Variants in EYS observed in about 807,000 individuals in gnomAD.
EYS encodes EGF-like photoreceptor maintenance factor.
In EYS, 250 loss-of-function variants were observed where a neutral mutation model predicts 282.1. The observed-to-expected ratio is 0.89, with a 90% CI of 0.80 to 0.98. The LOEUF (loss-of-function observed/expected upper bound fraction) is 0.98. Ranked by LOEUF, EYS falls within the 50% of genes least tolerant of loss-of-function variation. The probability of loss-of-function intolerance (pLI) is 0.00; values close to 1 mark genes in which losing one functional copy is unlikely to be tolerated. For missense variants in EYS, 4,016 were observed against 3,709.0 expected (o/e 1.08, Z -2.15); for synonymous variants, 1,355 against 1,282.9 (o/e 1.06, Z -1.20).
Position 64,759,472 on chromosome 6 carries a change from A to G in EYS, c.3443+53906T>C, listed in dbSNP as rs370102460. Among the ~76,000 whole-genome samples the G allele has an allele frequency of 2.0e-5, 3 of 152,220 alleles. No individual in the cohort carries two copies. The East Asian group carries it at 5.8e-4, about 29-fold the overall frequency. Reference sequence around the variant, plus strand: ...CTGTTCTAATGAAAATAATGTGTCTATATAAAACAAATTGTATAAGCAAAA... The same window carrying G: ...CTGTTCTAATGAAAATAATGTGTCTGTATAAAACAAATTGTATAAGCAAAA... On this transcript the variant is annotated intron_variant, in intron 22 of 42. Coordinates refer to ENST00000503581, the MANE Select transcript of EYS (RefSeq NM_001142800.2).
intron 31 of EYS, among the ~76,000 whole-genome samples, chr6:64,148,708 T>C (rs1331250290): frequency 6.6e-6 from 1 of 152,164 alleles, no homozygotes; most frequent in East Asian, 1.9e-4. Context: ...TCTTTGTTTC[T>C]ATTTTTCTTG....
intron 19 of EYS, among the ~76,000 whole-genome samples, chr6:64,881,794 A>G (rs1452536677): frequency 6.6e-6 from 1 of 151,868 alleles, no homozygotes; most frequent in East Asian, 1.9e-4. Context: ...TAAATCTTCA[A>G]TGTAAACTCT....
intron 19 of EYS, among the ~76,000 whole-genome samples, chr6:64,860,345 T>C (rs1232524762): frequency 1.3e-5 from 2 of 152,202 alleles, no homozygotes; most frequent in Admixed American, 6.5e-5. Flanking sequence ...CTAGATCCCA[T>C]GCCTGCCAAG....
chr6:64,196,911 T>G (rs2150319721), intron 31 of EYS, among the ~76,000 whole-genome samples: 1 of 152,152 alleles, frequency 6.6e-6, no homozygotes, highest in East Asian at 1.9e-4. Flanking sequence ...TTAAAAAAAT[T>G]GTAATATTTG....
chr6:65,516,498 C>T (rs1767139821), intron 2 of EYS, among the ~76,000 whole-genome samples: 1 of 151,992 alleles, frequency 6.6e-6, no homozygotes, highest in South Asian at 2.1e-4. Context: ...ATAGTAGAAG[C>T]ATGAATGGTA....
intron 31 of EYS, among the ~76,000 whole-genome samples, chr6:64,105,424 C>T (rs778784234): frequency 6.6e-6 from 1 of 152,076 alleles, no homozygotes; most frequent in South Asian, 2.1e-4. Context: ...TGGATTGTTA[C>T]AATCCATGAA....
At chr6:64,082,808 A>C (rs965019117) in intron 31 of EYS, among the ~76,000 whole-genome samples, 21 of 152,158 alleles carry the variant, frequency 1.4e-4, no homozygotes, top group African/African-American at 5.1e-4. Context: ...ATCTATATTC[A>C]TATCTATTAA....
At chr6:63,832,086 T>C (rs1445585432) in intron 36 of EYS, among the ~76,000 whole-genome samples, 2 of 152,158 alleles carry the variant, frequency 1.3e-5, no homozygotes, top group Non-Finnish European at 2.9e-5. Flanking sequence ...GGGAAACTTA[T>C]AGCACTAAAT....
At chr6:64,371,837 C>T (rs886345034) in intron 29 of EYS, among the ~76,000 whole-genome samples, 4 of 151,956 alleles carry the variant, frequency 2.6e-5, no homozygotes, top group African/African-American at 4.8e-5. Context: ...AAAGAGCACC[C>T]CTTGCCTTTT....
intron 35 of EYS, among the ~76,000 whole-genome samples, chr6:63,891,805 A>G (rs1773415700): frequency 6.6e-6 from 1 of 152,216 alleles, no homozygotes; most frequent in Non-Finnish European, 1.5e-5. Flanking sequence ...CCTGTTTGAG[A>G]TGACATGATT....
At chr6:64,322,513 A>G (rs563479416) in intron 29 of EYS, among the ~76,000 whole-genome samples, 39 of 152,160 alleles carry the variant, frequency 2.6e-4, no homozygotes, top group African/African-American at 9.1e-4. Context: ...TTGAGGGGCC[A>G]ATATCTCAGA....
chr6:64,006,085 T>G (rs9362371), intron 33 of EYS, among the ~76,000 whole-genome samples: 41,265 of 152,140 alleles, frequency 0.27, 6,306 homozygotes, highest in Middle Eastern at 0.37. Flanking sequence ...GCAATATTGA[T>G]TCTTCTTAAT....
intron 2 of EYS, among the ~76,000 whole-genome samples, chr6:65,567,070 G>A (rs539910897): frequency 6.6e-6 from 1 of 151,954 alleles, no homozygotes; most frequent in Admixed American, 6.6e-5. Flanking sequence ...ATGGATTAAT[G>A]CTGTTATTGT....
At chr6:65,284,397 A>G (rs1261220498) in intron 12 of EYS, among the ~76,000 whole-genome samples, 1 of 152,148 alleles carries the variant, frequency 6.6e-6, no homozygotes, top group African/African-American at 2.4e-5. Flanking sequence ...ATTTTTAAAA[A>G]GTCAGAAGCT....
chr6:64,490,335 C>G (rs943010212), intron 26 of EYS, among the ~76,000 whole-genome samples: 14 of 150,826 alleles, frequency 9.3e-5, no homozygotes, highest in Admixed American at 1.3e-4. Context: ...AAAATATTTT[C>G]TTTTAGTGAC....
intron 11 of EYS, among the ~76,000 whole-genome samples, chr6:65,319,417 G>A (rs1344987412): frequency 2.6e-5 from 4 of 151,188 alleles, no homozygotes; most frequent in East Asian, 1.9e-4. Context: ...TAATTAAAAC[G>A]CCACTCTATT....
intron 35 of EYS, among the ~76,000 whole-genome samples, chr6:63,917,530 T>C (rs184161012): frequency 1.7e-3 from 255 of 152,344 alleles, no homozygotes; most frequent in Admixed American, 3.8e-3. Context: ...CCCCAGTTCT[T>C]ACCTTTCTTT....
chr6:64,826,514 A>G (rs536939121), intron 19 of EYS, among the ~76,000 whole-genome samples: 6 of 151,780 alleles, frequency 4.0e-5, no homozygotes, highest in African/African-American at 1.4e-4. Flanking sequence ...CCGCCTCAAC[A>G]TCTGCCTCCA....
chr6:65,487,470 T>C (rs10132740), intron 5 of EYS, among the ~76,000 whole-genome samples: 1 of 152,198 alleles, frequency 6.6e-6, no homozygotes, highest in African/African-American at 2.4e-5. Context: ...ATGCAATGGA[T>C]GACATTTGTT....
Sources: gnomAD v4.1 joint callset for allele counts (sites outside exome capture counted in the v4.1 genomes callset) on GRCh38, gnomAD v4.1.1 for gene constraint, MANE v1.5 for transcripts, NCBI Gene and HGNC (gene_info 2026-07-23, HGNC 2026-07-21) for gene names.